MTCL3: variants seen among roughly 807,000 people sequenced by gnomAD.
The protein encoded by MTCL3 is MTCL family member 3.
At chr6:127,475,178 G>A in the MTCL3 span, 1 of 1,150,922 alleles carries the variant, frequency 8.7e-7, no homozygotes, top group Non-Finnish European at 1.2e-6. The surrounding 1 kb of genome is among the most constrained non-coding windows in gnomAD (Gnocchi z 7.3). Flanking sequence ...GCGGCCCTGA[G>A]CGGGGGCTTC....
the MTCL3 span, chr6:127,516,412 T>C: frequency 6.9e-6 from 11 of 1,600,440 alleles, no homozygotes; most frequent in Admixed American, 1.2e-4. Context: ...CCGAACAGAA[T>C]TGAGTTTAGT....
chr6:127,475,853 C>T, the MTCL3 span: 1 of 1,613,598 alleles, frequency 6.2e-7, no homozygotes, highest in Admixed American at 1.7e-5. The surrounding 1 kb of genome is among the most constrained non-coding windows in gnomAD (Gnocchi z 7.3). Flanking sequence ...ACGCGGTTCT[C>T]GTACTGCAGC....
the MTCL3 span, among the ~76,000 whole-genome samples, chr6:127,501,464 A>G: frequency 0.02 from 3,035 of 152,304 alleles, 100 homozygotes; most frequent in African/African-American, 0.069. Context: ...TATCAGAATA[A>G]ATAAGCAATT....
the MTCL3 span, among the ~76,000 whole-genome samples, chr6:127,485,531 T>C: frequency 6.6e-6 from 1 of 152,156 alleles, no homozygotes; most frequent in Non-Finnish European, 1.5e-5. Flanking sequence ...CATAGAGATA[T>C]ACAAAGACAC....
the MTCL3 span, among the ~76,000 whole-genome samples, chr6:127,496,416 G>T: frequency 6.6e-6 from 1 of 152,130 alleles, no homozygotes; most frequent in Non-Finnish European, 1.5e-5. Context: ...AATAACATCA[G>T]TGAAATTCAA....
chr6:127,513,432 A>G, the MTCL3 span, among the ~76,000 whole-genome samples: 1 of 152,190 alleles, frequency 6.6e-6, no homozygotes, highest in Non-Finnish European at 1.5e-5. Flanking sequence ...ATGTAGAGAA[A>G]TTTCACAAAT....
the MTCL3 span, chr6:127,473,313 C>A: frequency 6.5e-7 from 1 of 1,537,606 alleles, no homozygotes; most frequent in Non-Finnish European, 8.7e-7. Flanking sequence ...AAAAGGAAGA[C>A]AAGTTTAAAT....
chr6:127,487,910 C>A, the MTCL3 span, among the ~76,000 whole-genome samples: 4,018 of 152,288 alleles, frequency 0.026, 78 homozygotes, highest in Non-Finnish European at 0.041. Flanking sequence ...TCAACCCAGA[C>A]CAATTAAAAC....
chr6:127,473,032 A>G, the MTCL3 span: 5 of 959,048 alleles, frequency 5.2e-6, no homozygotes, highest in African/African-American at 8.6e-5. Context: ...TGAAAAAAAG[A>G]AGTAAAAATT....
chr6:127,516,254 C>T, the MTCL3 span: 5 of 1,456,804 alleles, frequency 3.4e-6, no homozygotes, highest in South Asian at 4.3e-5. Context: ...GCACCAGCCA[C>T]AGGCTGGACA....
At chr6:127,475,773 G>A in the MTCL3 span, 5 of 1,608,004 alleles carry the variant, frequency 3.1e-6, no homozygotes, top group Non-Finnish European at 3.4e-6. This position sits in a 1 kb window ranked among gnomAD's most constrained non-coding sequence, Gnocchi z 7.3. Flanking sequence ...TCTCGGCGTC[G>A]CTGTCGCGGG....
At chr6:127,504,878 C>T in the MTCL3 span, among the ~76,000 whole-genome samples, 1 of 152,204 alleles carries the variant, frequency 6.6e-6, no homozygotes, top group Admixed American at 6.5e-5. Context: ...GGTTAATGGC[C>T]ACATTCTGCG....
chr6:127,480,068 C>T, the MTCL3 span, among the ~76,000 whole-genome samples: 1 of 152,120 alleles, frequency 6.6e-6, no homozygotes, highest in Admixed American at 6.5e-5. Context: ...GTTAAAGACT[C>T]ACTCAATTGA....
chr6:127,481,965 A>G, the MTCL3 span, among the ~76,000 whole-genome samples: 1 of 152,238 alleles, frequency 6.6e-6, no homozygotes, highest in Non-Finnish European at 1.5e-5. Flanking sequence ...CTTCACTGCT[A>G]CAATCCCACC....
chr6:127,516,594 C>T, the MTCL3 span: 6 of 1,596,874 alleles, frequency 3.8e-6, no homozygotes, highest in Non-Finnish European at 5.1e-6. Context: ...GGGCAGCGCC[C>T]CCGATTGGTG....
chr6:127,495,262 A>C, the MTCL3 span, among the ~76,000 whole-genome samples: 1 of 152,238 alleles, frequency 6.6e-6, no homozygotes, highest in Admixed American at 6.5e-5. Flanking sequence ...TAAACTATGG[A>C]TGACAACAAC....
At chr6:127,475,739 C>T in the MTCL3 span, 1 of 1,596,450 alleles carries the variant, frequency 6.3e-7, no homozygotes, top group Non-Finnish European at 8.5e-7. This position sits in a 1 kb window ranked among gnomAD's most constrained non-coding sequence, Gnocchi z 7.3. Flanking sequence ...GAGTCGTCGT[C>T]GCTCTCCTTC....
the MTCL3 span, chr6:127,475,519 G>A: frequency 1.2e-6 from 2 of 1,613,028 alleles, no homozygotes; most frequent in East Asian, 2.2e-5. The surrounding 1 kb of genome is among the most constrained non-coding windows in gnomAD (Gnocchi z 7.3). Context: ...GATGGTGCTC[G>A]TGTCGGCGAT....
the MTCL3 span, among the ~76,000 whole-genome samples, chr6:127,484,477 A>T: frequency 6.6e-6 from 1 of 152,218 alleles, no homozygotes; most frequent in Non-Finnish European, 1.5e-5. Flanking sequence ...AAGAATACCA[A>T]GAATAAAGTG....
Sources: allele counts gnomAD v4.1 joint callset (sites outside exome capture counted in the v4.1 genomes callset), GRCh38; gene constraint gnomAD v4.1.1; non-coding constraint Gnocchi (gnomAD v3.1); transcripts MANE v1.5; gene names NCBI Gene and HGNC (gene_info 2026-07-23, HGNC 2026-07-21).